The following NAA50 variants were observed in gnomAD, a reference collection of about 807,000 sequenced individuals.
NAA50 encodes N-alpha-acetyltransferase 50, NatE catalytic subunit, also known as N-alpha-acetyltransferase 50.
A neutral mutation model predicts 20.7 loss-of-function variants in NAA50; 7 were observed. That is an observed-to-expected ratio of 0.34 (90% CI 0.19 to 0.63). The LOEUF (loss-of-function observed/expected upper bound fraction) is 0.63. Among genes scored for constraint, NAA50 ranks in the 30% least tolerant of loss-of-function variants. The pLI is 0.75. For synonymous variants in NAA50, 54 were observed against 70.6 expected, an observed-to-expected ratio of 0.77 and a Z score of 1.18; for missense variants, 111 against 199.1, an observed-to-expected ratio of 0.56 and a Z score of 2.66.
At chr3:113,722,312 C>T (rs1259528107) in intron 4 of NAA50, among the ~76,000 whole-genome samples, 4 of 151,982 alleles carry the variant, frequency 2.6e-5, no homozygotes, top group Admixed American at 2.0e-4. Flanking sequence ...GATATATCTT[C>T]CTTCTGATTG....
At chr3:113,731,952 C>T (rs1398580920) in intron 1 of NAA50, among the ~76,000 whole-genome samples, 1 of 152,060 alleles carries the variant, frequency 6.6e-6, no homozygotes, top group Admixed American at 6.6e-5. Context: ...TGTGGACATA[C>T]GCCTTAGTTT....
At chr3:113,741,135 C>A in intron 1 of NAA50, 1 of 545,812 alleles carries the variant, frequency 1.8e-6, no homozygotes, top group South Asian at 1.6e-5. Flanking sequence ...GAAGGATAAT[C>A]AAAGAAACAC....
In NAA50 at chr3:113,720,937, G is replaced by A. The variant is rs1708127229; in HGVS notation, c.*823C>T. 1 of 152,330 alleles carries A rather than the reference G, an allele frequency of 6.6e-6. No individual in the cohort carries two copies. The highest frequency in any genetic ancestry group is 6.6e-5 in the Admixed American group (1 of 15,230). The allele number at this position is 152,330 out of a possible 1,614,324, so 9.4% of individuals were successfully genotyped here. Reference sequence around the variant, plus strand: ...GGGTTTACTGAAGAAAAAGGAACGGGAAAAAATTAAATCACAACACACCTC... The same window carrying A: ...GGGTTTACTGAAGAAAAAGGAACGGAAAAAAATTAAATCACAACACACCTC... On this transcript the variant is annotated 3_prime_UTR_variant, in exon 5 of 5. Transcript: ENST00000240922.
chr3:113,742,158 A>G (rs940999846), intron 1 of NAA50, among the ~76,000 whole-genome samples: 1 of 152,252 alleles, frequency 6.6e-6, no homozygotes, highest in East Asian at 1.9e-4. Context: ...AGAAGGAAGA[A>G]GTATAAACTG....
rs1219578390 is a variant in NAA50, at chr3:113,717,227, C to T, written c.*4533G>A. 6.6e-6 allele frequency: 1 copy of T among 152,232 alleles called. No homozygotes were observed. The highest frequency in any genetic ancestry group is 2.4e-5 in the African/African-American group (1 of 41,414). 9.4% of individuals were successfully genotyped at this position (152,232 alleles called of 1,614,324 possible). On this transcript the variant is annotated 3_prime_UTR_variant, in exon 5 of 5. Coordinates refer to ENST00000240922, the MANE Select transcript of NAA50 (RefSeq NM_025146.4). ...GGCATGCGCTTTCTAGTCGCAGCTA[C>T]TTGGGAGGCTCAGGCAGAATTGCTT...
chr3:113,724,206 T>A, intron 1 of NAA50, 111 bp from the exon 2 acceptor site: 3 of 1,163,532 alleles, frequency 2.6e-6, no homozygotes, highest in South Asian at 2.9e-5. Context: ...TCCAACTCTT[T>A]CAGAGTTGAT....
chr3:113,733,289 G>C (rs981573920), intron 1 of NAA50, among the ~76,000 whole-genome samples: 2 of 151,876 alleles, frequency 1.3e-5, no homozygotes, highest in African/African-American at 4.8e-5. Flanking sequence ...AGAAAACTGG[G>C]AATTCTTTAT....
At position 113,723,555 on chromosome 3, in the gene NAA50, CAT is replaced by C. The variant is rs748897238; in HGVS notation, c.146-16_146-15del. On this transcript the variant is annotated splice_polypyrimidine_tract_variant and intron_variant, in intron 2 of 4. Coordinates refer to ENST00000240922, the MANE Select transcript of NAA50 (RefSeq NM_025146.4). ...CATTGAAATAGGCTGCCAAGGAAAA[CAT>C]AAAGATATAATGTTGAACAGACAGA... 2.5e-6 allele frequency: 4 copies of C among 1,596,964 alleles called. No individual in the cohort carries two copies. The highest frequency in any genetic ancestry group is 2.7e-5 in the African/African-American group (2 of 74,306).
intron 1 of NAA50, among the ~76,000 whole-genome samples, chr3:113,731,269 G>T (rs1708269067): frequency 6.6e-6 from 1 of 151,888 alleles, no homozygotes; most frequent in Admixed American, 6.6e-5. Flanking sequence ...ACCAGTCTAT[G>T]GCTTTTTTCA....
chr3:113,724,619 A>AGT (rs1708178233), intron 1 of NAA50: 1 of 152,236 alleles, frequency 6.6e-6, no homozygotes, highest in African/African-American at 2.4e-5. Flanking sequence ...GAGTTGCTGG[A>AGT]AACGAAACAA....
rs997702308 is a variant in NAA50 at position 113,741,110 on chromosome 3, T to C, written c.8+4832A>G. ...AATTGTTTTCAGAAAGTTATGTGGA[T>C]GACTATACTTGAATGAAGGATAATC... On this transcript the variant is annotated intron_variant, in intron 1 of 4. Coordinates refer to ENST00000240922, the MANE Select transcript of NAA50 (RefSeq NM_025146.4). 3 of 549,174 alleles carry C rather than the reference T, an allele frequency of 5.5e-6. No individual in the cohort carries two copies. The African/African-American group carries it at 5.7e-5, about 10-fold the overall frequency. 34.0% of individuals were successfully genotyped at this position (549,174 alleles called of 1,614,324 possible).
intron 1 of NAA50, among the ~76,000 whole-genome samples, chr3:113,729,583 G>A (rs546801352): frequency 6.8e-6 from 1 of 146,680 alleles, no homozygotes; most frequent in African/African-American, 2.5e-5. Context: ...CAACTCTGTT[G>A]CCCAGGCTAG....
intron 1 of NAA50, among the ~76,000 whole-genome samples, chr3:113,745,544 G>C (rs919018199): frequency 7.9e-4 from 120 of 152,228 alleles, no homozygotes; most frequent in African/African-American, 2.7e-3. Context: ...CAGTTCCAGA[G>C]TTGAGTCTGG....
In NAA50 at chr3:113,736,553, G is replaced by A. The variant is rs1240691956; in HGVS notation, c.8+9389C>T. 5.9e-5 allele frequency among the ~76,000 whole-genome samples: 9 copies of A among 152,166 alleles called. 1 individual carries two copies. The highest frequency in any genetic ancestry group is 5.9e-5 in the Non-Finnish European group (4 of 68,038). On this transcript the variant is annotated intron_variant, in intron 1 of 4. Transcript: ENST00000240922. ...AATGCACATTAAATTTTGGCACAGC[G>A]ATGTCAGATATTATGGACGCAAATG...
intron 3 of NAA50, 108 bp downstream of exon 3, chr3:113,723,313 CT>C: frequency 9.5e-6 from 10 of 1,055,442 alleles, no homozygotes; most frequent in Non-Finnish European, 1.2e-5. Context: ...TTCAGTAACC[CT>C]TTCTCAGTAT....
intron 1 of NAA50, among the ~76,000 whole-genome samples, chr3:113,724,759 G>A (rs1708179994): frequency 6.6e-6 from 1 of 152,130 alleles, no homozygotes; most frequent in Admixed American, 6.6e-5. Context: ...CATGTTGTGA[G>A]AGGGACCCGG....
intron 1 of NAA50, among the ~76,000 whole-genome samples, chr3:113,742,444 G>A (rs1268580428): frequency 2.0e-5 from 1 of 50,052 alleles, no homozygotes; most frequent in African/African-American, 8.5e-5. Context: ...TTTTTTTTTT[G>A]AGACAGAGTC....
At chr3:113,741,722 C>A (rs1298791456) in intron 1 of NAA50, among the ~76,000 whole-genome samples, 1 of 152,164 alleles carries the variant, frequency 6.6e-6, no homozygotes, top group Non-Finnish European at 1.5e-5. Flanking sequence ...TTTAAAAAAT[C>A]TTTTCCAACT....
intron 3 of NAA50, 92 bp downstream of exon 3, chr3:113,723,329 TA>T (rs1185542272): frequency 1.0e-5 from 13 of 1,272,212 alleles, no homozygotes; most frequent in Non-Finnish European, 1.4e-5. Flanking sequence ...CAGTATTCCT[TA>T]AAAAGACCCA....
Sources: allele counts gnomAD v4.1 joint callset (sites outside exome capture counted in the v4.1 genomes callset), GRCh38; gene constraint gnomAD v4.1.1; transcripts MANE v1.5; gene names NCBI Gene and HGNC (gene_info 2026-07-23, HGNC 2026-07-21).